Variants in CTNNA3 observed in about 807,000 individuals in gnomAD.
CTNNA3 encodes the protein catenin alpha 3, also known as catenin alpha-3.
A neutral mutation model predicts 95.7 loss-of-function variants in CTNNA3; 76 were observed. The observed-to-expected ratio is 0.79, with a 90% CI of 0.66 to 0.96. CTNNA3 has a LOEUF of 0.96. Ranked by LOEUF, CTNNA3 falls within the 40% of genes least tolerant of loss-of-function variation. The pLI is 0.00. For missense variants in CTNNA3, 1,191 were observed against 1,089.8 expected (o/e 1.09, Z -1.31); for synonymous variants, 431 against 374.4 (o/e 1.15, Z -1.74).
chr10:66,460,373 C>CAG (rs2093521023), intron 11 of CTNNA3, among the ~76,000 whole-genome samples: 1 of 152,102 alleles, frequency 6.6e-6, no homozygotes, highest in Non-Finnish European at 1.5e-5. Context: ...GTGCATTGAC[C>CAG]TATATTCTGA....
At chr10:67,699,208 A>T (rs781646661), upstream of CTNNA3, among the ~76,000 whole-genome samples, 1 of 152,146 alleles carries the variant, frequency 6.6e-6, no homozygotes, top group Non-Finnish European at 1.5e-5. Flanking sequence ...GAAAATTTTC[A>T]AACAAACAAA....
intron 11 of CTNNA3, among the ~76,000 whole-genome samples, chr10:66,500,743 C>G (rs945916161): frequency 5.9e-5 from 9 of 152,080 alleles, no homozygotes; most frequent in Non-Finnish European, 1.3e-4. Context: ...CCTCCCATGA[C>G]CATTTTCCAC....
At chr10:66,435,073 C>T (rs776482914) in intron 11 of CTNNA3, among the ~76,000 whole-genome samples, 2 of 151,890 alleles carry the variant, frequency 1.3e-5, no homozygotes, top group African/African-American at 2.4e-5. Context: ...ATTTTCACAT[C>T]GATGTTCATC....
At chr10:67,424,441 C>T (rs775657693) in intron 5 of CTNNA3, among the ~76,000 whole-genome samples, 2 of 151,884 alleles carry the variant, frequency 1.3e-5, no homozygotes, top group Non-Finnish European at 1.5e-5. Context: ...TCCTACCAAA[C>T]CATAAATAAA....
chr10:66,544,045 C>T (rs1220244038), intron 10 of CTNNA3, among the ~76,000 whole-genome samples: 2 of 148,714 alleles, frequency 1.3e-5, no homozygotes, highest in African/African-American at 5.0e-5. Flanking sequence ...ATTTTATTTA[C>T]TGCTTCAGCC....
chr10:67,415,934 G>C (rs1020277424), intron 5 of CTNNA3, among the ~76,000 whole-genome samples: 2 of 152,162 alleles, frequency 1.3e-5, no homozygotes, highest in African/African-American at 4.8e-5. Context: ...TGGGATAACT[G>C]GCTAGCCATA....
intron 7 of CTNNA3, among the ~76,000 whole-genome samples, chr10:66,859,502 A>C (rs1014342681): frequency 1.1e-4 from 17 of 152,184 alleles, no homozygotes; most frequent in African/African-American, 4.1e-4. Flanking sequence ...CAATCATTAA[A>C]ATGTCAGGAA....
At chr10:66,859,278 C>T (rs1410933351) in intron 7 of CTNNA3, among the ~76,000 whole-genome samples, 2 of 151,902 alleles carry the variant, frequency 1.3e-5, no homozygotes, top group African/African-American at 4.8e-5. Flanking sequence ...TGACAAAAGG[C>T]TAATATCGAG....
chr10:66,703,282 CCTT>C (rs1436728514), intron 9 of CTNNA3, among the ~76,000 whole-genome samples: 17 of 152,262 alleles, frequency 1.1e-4, no homozygotes, highest in South Asian at 1.0e-3. Flanking sequence ...ATGCTAAACT[CCTT>C]CTAGAAACCT....
chr10:66,677,979 C>T (rs1443179962), intron 9 of CTNNA3, among the ~76,000 whole-genome samples: 1 of 152,108 alleles, frequency 6.6e-6, no homozygotes, highest in Non-Finnish European at 1.5e-5. Flanking sequence ...ACAGATATCC[C>T]TATGTCCATT....
intron 5 of CTNNA3, among the ~76,000 whole-genome samples, chr10:67,298,562 T>C (rs2079833209): frequency 6.6e-6 from 1 of 152,194 alleles, no homozygotes; most frequent in Admixed American, 6.5e-5. Flanking sequence ...ACGCTAACAA[T>C]TTAATAGTAT....
chr10:66,422,083 C>G (rs2093200710), intron 11 of CTNNA3, among the ~76,000 whole-genome samples: 1 of 151,658 alleles, frequency 6.6e-6, no homozygotes, highest in Non-Finnish European at 1.5e-5. Flanking sequence ...TATAAACACA[C>G]CATTCAATGT....
intron 14 of CTNNA3, among the ~76,000 whole-genome samples, chr10:66,075,872 T>C (rs2080544552): frequency 6.6e-6 from 1 of 151,754 alleles, no homozygotes. Context: ...TATAACTTTT[T>C]TTCATGGAAA....
intron 10 of CTNNA3, among the ~76,000 whole-genome samples, chr10:66,609,840 A>G (rs923403084): frequency 6.6e-6 from 1 of 152,144 alleles, no homozygotes; most frequent in African/African-American, 2.4e-5. Context: ...AAAGACAAGG[A>G]ATCAACTCAC....
At chr10:67,194,527 G>A (rs1863260607) in intron 6 of CTNNA3, among the ~76,000 whole-genome samples, 1 of 151,056 alleles carries the variant, frequency 6.6e-6, no homozygotes, top group African/African-American at 2.4e-5. Flanking sequence ...AAACTATGGA[G>A]ACAGTAAGAA....
chr10:66,375,298 A>C (rs887938418), intron 12 of CTNNA3, among the ~76,000 whole-genome samples: 5 of 152,084 alleles, frequency 3.3e-5, no homozygotes, highest in Admixed American at 6.6e-5. Context: ...CAAGAAGGTA[A>C]ACTGAGTGAA....
intron 15 of CTNNA3, among the ~76,000 whole-genome samples, chr10:66,058,347 T>G (rs1315608065): frequency 1.3e-5 from 2 of 152,116 alleles, no homozygotes; most frequent in Non-Finnish European, 2.9e-5. Context: ...CAGAAATGCT[T>G]TGTAAATGCA....
At chr10:66,130,011 T>C (rs1315272164) in intron 13 of CTNNA3, among the ~76,000 whole-genome samples, 2 of 152,126 alleles carry the variant, frequency 1.3e-5, no homozygotes, top group Non-Finnish European at 2.9e-5. Flanking sequence ...TTGGCAGGCA[T>C]GAAACCTGCC....
At chr10:67,375,103 T>A (rs967609146) in intron 5 of CTNNA3, among the ~76,000 whole-genome samples, 1 of 152,232 alleles carries the variant, frequency 6.6e-6, no homozygotes, top group Non-Finnish European at 1.5e-5. Context: ...AGTGTATGCT[T>A]GGTCTTGCCA....
Sources: gnomAD v4.1 joint callset for allele counts (sites outside exome capture counted in the v4.1 genomes callset) on GRCh38, gnomAD v4.1.1 for gene constraint, MANE v1.5 for transcripts, NCBI Gene and HGNC (gene_info 2026-07-23, HGNC 2026-07-21) for gene names.